SLCO1C1: variants seen among roughly 807,000 people sequenced by gnomAD.
The protein encoded by SLCO1C1 is OAT-RP-5.
Under a neutral mutation model 76.4 loss-of-function variants are expected in SLCO1C1, and 70 were observed. The ratio of observed to expected loss-of-function variants is 0.92; its 90% CI spans 0.76 to 1.12. The LOEUF (loss-of-function observed/expected upper bound fraction) is 1.12. Ranked by LOEUF, SLCO1C1 falls within the 50% of genes most tolerant of loss-of-function variation. The pLI is 0.00. For synonymous variants in SLCO1C1, 306 were observed against 286.1 expected, an observed-to-expected ratio of 1.07 and a Z score of -0.70; for missense variants, 912 against 823.8, an observed-to-expected ratio of 1.11 and a Z score of -1.31.
chr12:20,739,341 T>TA (rs1312872917), intron 11 of SLCO1C1, among the ~76,000 whole-genome samples: 9 of 150,874 alleles, frequency 6.0e-5, no homozygotes, highest in East Asian at 1.9e-4. Context: ...AGAAGCACTG[T>TA]AAAAAAAAGA....
intron 3 of SLCO1C1, among the ~76,000 whole-genome samples, 155 bp downstream of exon 3, chr12:20,701,614 T>C (rs1304496227): frequency 1.3e-5 from 2 of 151,150 alleles, no homozygotes; most frequent in Non-Finnish European, 3.0e-5. Flanking sequence ...GATCTTATTC[T>C]ACAGGAGAGG....
intron 11 of SLCO1C1, 34 bp downstream of exon 11, chr12:20,737,306 T>G (rs756401201): frequency 6.5e-7 from 1 of 1,532,510 alleles, no homozygotes; most frequent in East Asian, 2.5e-5. Context: ...ATGGCGATGG[T>G]CCTGTTACAA....
intron 11 of SLCO1C1, 117 bp from the exon 12 acceptor site, chr12:20,740,065 AAG>A (rs1948729979): frequency 9.8e-7 from 1 of 1,015,288 alleles, no homozygotes; most frequent in East Asian, 2.6e-5. Context: ...AAAAAAATAA[AAG>A]AATATTTCCT....
At position 20,737,156 on chromosome 12, in the gene SLCO1C1, T is replaced by A. The variant is rs765517935; in HGVS notation, c.1432T>A (p.Ser478Thr). ...HERALFSDCN[S>T]RCKCSETKWE... ...ACGAGCTCTCTTTTCAGATTGCAACTCAAGATGCAAATGTTCAGAGACAAA... is the reference window on the plus strand; with the variant it reads ...ACGAGCTCTCTTTTCAGATTGCAACACAAGATGCAAATGTTCAGAGACAAA... The change falls in exon 11 of 15, where the codon TCA (serine) becomes ACA (threonine). Residue 478 changes from serine to threonine, a missense_variant. Ser to Thr is a moderately conservative substitution (Grantham distance 58, BLOSUM62 1). Transcript: ENST00000266509. The A allele has an allele frequency of 4.5e-6, 7 of 1,559,830 alleles. No homozygotes were observed. The South Asian group carries it at 8.6e-5, about 19-fold the overall frequency.
intron 4 of SLCO1C1, among the ~76,000 whole-genome samples, chr12:20,710,258 A>T (rs1267957152): frequency 4.2e-5 from 5 of 118,838 alleles, no homozygotes; most frequent in Non-Finnish European, 6.3e-5. Context: ...CCCAGGCTGG[A>T]GTGCAATGGC....
chr12:20,749,383 G>A (rs1039333242), intron 13 of SLCO1C1, among the ~76,000 whole-genome samples: 4 of 152,200 alleles, frequency 2.6e-5, no homozygotes, highest in Admixed American at 1.3e-4. Context: ...GCAGCGGTTG[G>A]GGGAGTGAGG....
chr12:20,744,926 A>G (rs888680726), intron 13 of SLCO1C1, among the ~76,000 whole-genome samples: 2 of 152,170 alleles, frequency 1.3e-5, no homozygotes, highest in Non-Finnish European at 2.9e-5. Flanking sequence ...CACACGTAAC[A>G]GAGCTGTAAG....
chr12:20,715,912 C>T (rs1341170473), intron 6 of SLCO1C1, among the ~76,000 whole-genome samples: 1 of 152,186 alleles, frequency 6.6e-6, no homozygotes, highest in African/African-American at 2.4e-5. Context: ...AGGTAAGACA[C>T]ATCTAAACAG....
intron 12 of SLCO1C1, among the ~76,000 whole-genome samples, chr12:20,740,787 TTATATATATATATATATATATA>T (rs71039980): frequency 5.3e-5 from 4 of 75,058 alleles, no homozygotes; most frequent in Non-Finnish European, 9.6e-5. Context: ...TTTATTTTAT[TTATATATATATATATATATATA>T]TATATATATG....
At chr12:20,708,062 C>T (rs1300617046) in intron 4 of SLCO1C1, among the ~76,000 whole-genome samples, 1 of 152,170 alleles carries the variant, frequency 6.6e-6, no homozygotes, top group East Asian at 1.9e-4. Context: ...TTGCTCTCTA[C>T]TGAGGATTAT....
At chr12:20,706,134 C>T (rs969922227) in intron 4 of SLCO1C1, 53 bp downstream of exon 4, 1 of 1,538,164 alleles carries the variant, frequency 6.5e-7, no homozygotes, top group African/African-American at 1.4e-5. Flanking sequence ...CTGCATTTCT[C>T]CCTTTTATGA....
In SLCO1C1 at chr12:20,750,806, A is replaced by G; in HGVS notation, c.1916+14A>G. ...AAATGTCTTCAGGTACCAAATCAAA[A>G]GCATTCCCGCATCTCATTGCTACAG... On this transcript the variant is annotated intron_variant, in intron 14 of 14. Transcript: ENST00000266509. The G allele has an allele frequency of 6.2e-7, 1 of 1,613,998 alleles. No homozygotes were observed. Among genetic ancestry groups the G allele is most frequent in the Non-Finnish European group, 8.5e-7 (1 of 1,179,910 alleles).
chr12:20,716,754 A>T (rs1182901456), intron 6 of SLCO1C1, among the ~76,000 whole-genome samples: 1 of 152,224 alleles, frequency 6.6e-6, no homozygotes, highest in African/African-American at 2.4e-5. Flanking sequence ...ATGTCAAAAC[A>T]AGTCTTATGC....
rs1391976739 is a variant in SLCO1C1, at chr12:20,717,209, G to A, written c.754G>A (p.Asp252Asn). ...CTCATTATGTGCCAAACTATATGTT[G>A]ACATTGGCTTTGTAAACCTAGGTAA... is the stretch of plus-strand genomic sequence containing the variant. Reference protein sequence around the residue: ...LGSLCAKLYVDIGFVNLDHIT... With the variant: ...LGSLCAKLYVNIGFVNLDHIT... The change falls in exon 7 of 15, where the codon GAC (aspartate) becomes AAC (asparagine). Residue 252 changes from aspartate (D) to asparagine (N), a missense_variant. Physicochemically the swap from Asp to Asn is conservative, Grantham distance 23. Transcript: ENST00000266509. The A allele has an allele frequency of 3.2e-6, 5 of 1,586,328 alleles. No individual in the cohort carries two copies. The highest frequency in any genetic ancestry group is 2.8e-5 in the African/African-American group (2 of 72,342).
intron 6 of SLCO1C1, among the ~76,000 whole-genome samples, chr12:20,715,524 A>G (rs1389298977): frequency 6.6e-6 from 1 of 152,244 alleles, no homozygotes; most frequent in Non-Finnish European, 1.5e-5. Context: ...CTGCGAGCTT[A>G]GCTGCAATGA....
chr12:20,733,500 T>C (rs1399940), intron 10 of SLCO1C1, among the ~76,000 whole-genome samples: 67,182 of 152,076 alleles, frequency 0.44, 17,454 homozygotes, highest in South Asian at 0.64. Flanking sequence ...TTTTAAACTT[T>C]TGTAAGGTTT....
intron 5 of SLCO1C1, among the ~76,000 whole-genome samples, chr12:20,712,058 G>C (rs1947137134): frequency 6.6e-6 from 1 of 152,034 alleles, no homozygotes; most frequent in Non-Finnish European, 1.5e-5. Flanking sequence ...AAACCCCCGT[G>C]GTCACACTGT....
rs1009408767 is a variant in SLCO1C1 at position 20,709,387 on chromosome 12, T to C, written c.405-1999T>C. On this transcript the variant is annotated intron_variant, in intron 4 of 14. Coordinates refer to ENST00000266509, the MANE Select transcript of SLCO1C1 (RefSeq NM_017435.5). The stretch of plus-strand genomic sequence containing the variant: ...CAGTTATTTGAAATCAAAATAATTA[T>C]GATGCTTGCAACAGTAACCTGTTGA... Among the ~76,000 whole-genome samples the C allele has an allele frequency of 3.9e-5, 6 of 152,248 alleles. No homozygotes were observed. In the East Asian group the frequency reaches 5.8e-4, roughly 15 times the overall value.
At chr12:20,705,912 T>TCTC (rs1415449109) in intron 3 of SLCO1C1, 37 bp from the exon 4 acceptor site, 23 of 1,603,192 alleles carry the variant, frequency 1.4e-5, no homozygotes, top group Non-Finnish European at 1.7e-5. Context: ...TCTTTCTAAG[T>TCTC]TCTCTAATTT....
Sources: gnomAD v4.1 joint callset for allele counts (sites outside exome capture counted in the v4.1 genomes callset) on GRCh38, gnomAD v4.1.1 for gene constraint, MANE v1.5 for transcripts, NCBI Gene and HGNC (gene_info 2026-07-23, HGNC 2026-07-21) for gene names.